The following SGCG variants were observed in gnomAD, a reference collection of about 807,000 sequenced individuals.
SGCG encodes gamma-sarcoglycan.
In SGCG, 26 loss-of-function variants were observed where a neutral mutation model predicts 29.3. The observed-to-expected ratio is 0.89, with a 90% CI of 0.65 to 1.23. The LOEUF (loss-of-function observed/expected upper bound fraction) is 1.23. Among genes scored for constraint, SGCG ranks in the 50% most tolerant of loss-of-function variants. SGCG has a pLI of 0.00. For missense variants in SGCG, 353 were observed against 356.0 expected (o/e 0.99, Z 0.07); for synonymous variants, 145 against 129.7 (o/e 1.12, Z -0.80).
intron 2 of SGCG, among the ~76,000 whole-genome samples, chr13:23,230,418 A>G (rs558177870): frequency 6.6e-6 from 1 of 152,308 alleles, no homozygotes; most frequent in South Asian, 2.1e-4. Flanking sequence ...ATCCATGAGC[A>G]TGGAATATTT....
intron 1 of SGCG, among the ~76,000 whole-genome samples, chr13:23,190,799 T>A (rs763410704): frequency 3.9e-5 from 6 of 152,176 alleles, no homozygotes; most frequent in Non-Finnish European, 8.8e-5. Context: ...GCAAGCCTCA[T>A]TCACAGCATC....
intron 5 of SGCG, 21 bp from the exon 6 acceptor site, chr13:23,295,394 A>T: frequency 6.3e-7 from 1 of 1,580,682 alleles, no homozygotes; most frequent in Non-Finnish European, 8.7e-7. Flanking sequence ...TGCTCCTGAT[A>T]CATCTTTGTT....
At chr13:23,187,251 T>C (rs1877017114) in intron 1 of SGCG, among the ~76,000 whole-genome samples, 1 of 152,154 alleles carries the variant, frequency 6.6e-6, no homozygotes, top group Non-Finnish European at 1.5e-5. Context: ...GTGGACGGCT[T>C]GGAGGCTGTT....
At chr13:23,184,371 G>A (rs1876882842) in intron 1 of SGCG, among the ~76,000 whole-genome samples, 1 of 3,406 alleles carries the variant, frequency 2.9e-4, no homozygotes. Context: ...GCAAATTGAA[G>A]GTTTTTTTTT....
chr13:23,213,755 A>G (rs1397866249), intron 2 of SGCG, among the ~76,000 whole-genome samples: 2 of 123,316 alleles, frequency 1.6e-5, no homozygotes, highest in African/African-American at 5.5e-5. Context: ...GCTATAGTGT[A>G]TCTTAAGATA....
intron 2 of SGCG, among the ~76,000 whole-genome samples, chr13:23,223,196 T>G (rs1432363425): frequency 2.1e-5 from 3 of 146,260 alleles, no homozygotes; most frequent in Non-Finnish European, 4.5e-5. Flanking sequence ...GAGAATGGCA[T>G]GAACCTGGAA....
chr13:23,275,368 A>AGCC (rs1881032462), intron 4 of SGCG, among the ~76,000 whole-genome samples: 1 of 151,800 alleles, frequency 6.6e-6, no homozygotes, highest in Non-Finnish European at 1.5e-5. Context: ...TACAAAAGTC[A>AGCC]GCCGGGTGCC....
At chr13:23,161,978 AGGTAGT>A in the SGCG span, among the ~76,000 whole-genome samples, 1 of 152,244 alleles carries the variant, frequency 6.6e-6, no homozygotes, top group Non-Finnish European at 1.5e-5. Flanking sequence ...CTCAGAAAAA[AGGTAGT>A]GATAAATAGC....
chr13:23,167,940 T>C, the SGCG span, among the ~76,000 whole-genome samples: 1 of 152,204 alleles, frequency 6.6e-6, no homozygotes, highest in African/African-American at 2.4e-5. Context: ...ACCATGTTTG[T>C]TGGCCAGTCT....
chr13:23,314,182 A>G (rs1882707895), intron 6 of SGCG, among the ~76,000 whole-genome samples: 1 of 131,622 alleles, frequency 7.6e-6, no homozygotes, highest in Admixed American at 8.0e-5. Context: ...AACAGTATAT[A>G]TATATATAGA....
At chr13:23,202,148 G>A (rs908504093) in intron 1 of SGCG, among the ~76,000 whole-genome samples, 9 of 152,336 alleles carry the variant, frequency 5.9e-5, no homozygotes, top group East Asian at 5.8e-4. Context: ...AGTGGTAGTA[G>A]ATGAAGCCAA....
the SGCG span, among the ~76,000 whole-genome samples, chr13:23,163,261 C>T: frequency 1.3e-5 from 2 of 152,288 alleles, no homozygotes; most frequent in Admixed American, 1.3e-4. Context: ...TGCATTTTGA[C>T]ATTTCATTTT....
chr13:23,261,073 A>T (rs1286952440), intron 4 of SGCG, among the ~76,000 whole-genome samples: 1 of 152,074 alleles, frequency 6.6e-6, no homozygotes, highest in Non-Finnish European at 1.5e-5. Flanking sequence ...CTGAATTTGA[A>T]TGTTGGCCTC....
chr13:23,192,525 C>T (rs554445561), intron 1 of SGCG, among the ~76,000 whole-genome samples: 1 of 152,072 alleles, frequency 6.6e-6, no homozygotes, highest in African/African-American at 2.4e-5. Flanking sequence ...TCCCGAGTAG[C>T]CGGGATTACA....
chr13:23,259,422 T>C (rs1157990318), intron 4 of SGCG, among the ~76,000 whole-genome samples: 8 of 152,164 alleles, frequency 5.3e-5, no homozygotes, highest in Non-Finnish European at 1.2e-4. Flanking sequence ...GTCTATTTGA[T>C]TCTTCTCTCT....
At chr13:23,284,157 G>C (rs980877860) in intron 5 of SGCG, among the ~76,000 whole-genome samples, 1 of 152,146 alleles carries the variant, frequency 6.6e-6, no homozygotes. Context: ...GGCCTGTCTT[G>C]CTAGTTTGGG....
At chr13:23,173,774 T>C in the SGCG span, among the ~76,000 whole-genome samples, 1 of 152,186 alleles carries the variant, frequency 6.6e-6, no homozygotes, top group Non-Finnish European at 1.5e-5. Flanking sequence ...CTGTCTTCTC[T>C]TTGATCACAT....
At chr13:23,198,709 G>T (rs1025486343) in intron 1 of SGCG, among the ~76,000 whole-genome samples, 1 of 151,792 alleles carries the variant, frequency 6.6e-6, no homozygotes, top group African/African-American at 2.4e-5. Context: ...AGCTGGATGT[G>T]GTGGCGCACA....
the SGCG span, among the ~76,000 whole-genome samples, chr13:23,170,348 T>C: frequency 6.6e-6 from 1 of 152,102 alleles, no homozygotes; most frequent in Non-Finnish European, 1.5e-5. Flanking sequence ...ATCATTAGCT[T>C]AGTGAGGGTA....
Sources: gnomAD v4.1 joint callset for allele counts (sites outside exome capture counted in the v4.1 genomes callset) on GRCh38, gnomAD v4.1.1 for gene constraint, MANE v1.5 for transcripts, NCBI Gene and HGNC (gene_info 2026-07-23, HGNC 2026-07-21) for gene names.